APBA1: variants seen among roughly 807,000 people sequenced by gnomAD.
APBA1 encodes the protein amyloid-beta A4 precursor protein-binding family A member 1.
A neutral mutation model predicts 86.6 loss-of-function variants in APBA1; 55 were observed. The observed-to-expected ratio is 0.64, with a 90% CI of 0.51 to 0.80. The LOEUF (loss-of-function observed/expected upper bound fraction) is 0.80, where lower values mean the gene tolerates loss of function less well. Ranked by LOEUF, APBA1 falls within the 30% of genes least tolerant of loss-of-function variation. The pLI, the probability that APBA1 is intolerant of heterozygous loss-of-function variation, is 0.00. For synonymous variants in APBA1, 511 were observed against 493.9 expected, an observed-to-expected ratio of 1.03 and a Z score of -0.46; for missense variants, 1,090 against 1,183.0, an observed-to-expected ratio of 0.92 and a Z score of 1.15.
intron 1 of APBA1, among the ~76,000 whole-genome samples, chr9:69,670,629 C>T (rs535764134): frequency 6.6e-6 from 1 of 152,234 alleles, no homozygotes; most frequent in African/African-American, 2.4e-5. Flanking sequence ...CATCTCCCTG[C>T]CTACCTCTAC....
Position 69,516,840 on chromosome 9 carries a change from G to A in APBA1, c.371C>T (p.Pro124Leu). The change falls in exon 2 of 13, where the codon CCC (proline) becomes CTC (leucine). Residue 124 changes from proline (P) to leucine (L), a missense_variant. By Grantham distance (98) the Pro-to-Leu change is moderately conservative (BLOSUM62 -3). Coordinates refer to ENST00000265381, the MANE Select transcript of APBA1 (RefSeq NM_001163.4). The surrounding 1 kb of genome is among the most constrained non-coding windows in gnomAD (Gnocchi z 7.3). ...DESAYAVQYR[P>L]EAEEYTEQAE... is the part of the protein sequence containing the mutation. Reference sequence around the variant, plus strand: ...CTGCTCCGTGTACTCCTCGGCCTCGGGCCGGTACTGCACAGCATAGGCGCT... The same window carrying A: ...CTGCTCCGTGTACTCCTCGGCCTCGAGCCGGTACTGCACAGCATAGGCGCT... 1.2e-6 allele frequency: 2 copies of A among 1,603,810 alleles called. No individual in the cohort carries two copies. Among genetic ancestry groups the A allele is most frequent in the Non-Finnish European group, 1.7e-6 (2 of 1,179,074 alleles).
chr9:69,576,844 C>T (rs1189726144), intron 1 of APBA1, among the ~76,000 whole-genome samples: 1 of 151,906 alleles, frequency 6.6e-6, no homozygotes, highest in Non-Finnish European at 1.5e-5. Flanking sequence ...TACCCTAAAA[C>T]TTAAAGTATA....
intron 1 of APBA1, among the ~76,000 whole-genome samples, chr9:69,641,638 T>C (rs550470489): frequency 3.3e-5 from 5 of 152,138 alleles, no homozygotes; most frequent in Admixed American, 6.6e-5. Flanking sequence ...TAATTCAATA[T>C]GGAAATGATA....
intron 2 of APBA1, among the ~76,000 whole-genome samples, chr9:69,495,075 A>G (rs1048461196): frequency 2.6e-5 from 4 of 152,084 alleles, no homozygotes; most frequent in Admixed American, 6.5e-5. Context: ...GAAAGCAAGG[A>G]GCACAACCCC....
At chr9:69,517,441 C>T (rs1836186272) in intron 1 of APBA1, among the ~76,000 whole-genome samples, 162 bp from the exon 2 acceptor site, 1 of 152,184 alleles carries the variant, frequency 6.6e-6, no homozygotes. Flanking sequence ...ACATACATAG[C>T]ACGCATCATA....
intron 9 of APBA1, 22 bp from the exon 10 acceptor site, chr9:69,449,818 G>C (rs1163712119): frequency 6.2e-7 from 1 of 1,600,958 alleles, no homozygotes. Context: ...AAAACATTTA[G>C]AAAACCTCCA....
At chr9:69,556,928 A>G (rs1217156371) in intron 1 of APBA1, among the ~76,000 whole-genome samples, 1 of 152,136 alleles carries the variant, frequency 6.6e-6, no homozygotes, top group African/African-American at 2.4e-5. Context: ...CGCTTCAGGG[A>G]TCGCTGCGTT....
chr9:69,662,205 TC>T, intron 1 of APBA1, among the ~76,000 whole-genome samples: 1 of 152,024 alleles, frequency 6.6e-6, no homozygotes, highest in Non-Finnish European at 1.5e-5. Flanking sequence ...CTGAGGCAAA[TC>T]CCCTTTGTCC....
chr9:69,576,235 T>C (rs1026539514), intron 1 of APBA1, among the ~76,000 whole-genome samples: 6 of 152,044 alleles, frequency 3.9e-5, no homozygotes, highest in South Asian at 4.2e-4. Flanking sequence ...TGTGGAGAAA[T>C]AGGAACACTT....
At chr9:69,506,174 G>A (rs1008778337) in intron 2 of APBA1, among the ~76,000 whole-genome samples, 2 of 151,910 alleles carry the variant, frequency 1.3e-5, no homozygotes, top group Admixed American at 6.6e-5. Flanking sequence ...ATCTCACTAG[G>A]GAGTGCCAGA....
chr9:69,601,240 A>G (rs1822345019), intron 1 of APBA1, among the ~76,000 whole-genome samples: 1 of 152,250 alleles, frequency 6.6e-6, no homozygotes, highest in African/African-American at 2.4e-5. Context: ...TCAGGAGGTC[A>G]GTTTTTTATT....
chr9:69,637,962 C>T (rs1823214344), intron 1 of APBA1, among the ~76,000 whole-genome samples: 1 of 152,136 alleles, frequency 6.6e-6, no homozygotes, highest in Admixed American at 6.6e-5. Context: ...CAACAGCTGA[C>T]CTCACTGCTC....
chr9:69,634,146 GAC>G (rs1823106973), intron 1 of APBA1, among the ~76,000 whole-genome samples: 1 of 152,198 alleles, frequency 6.6e-6, no homozygotes, highest in Admixed American at 6.5e-5. Context: ...GGGTAGGAAA[GAC>G]AGTCTTGAAT....
At chr9:69,512,257 A>G (rs971521984) in intron 2 of APBA1, among the ~76,000 whole-genome samples, 1 of 152,134 alleles carries the variant, frequency 6.6e-6, no homozygotes, top group Admixed American at 6.5e-5. Flanking sequence ...GAACACAGTT[A>G]TTTTCTCTCA....
chr9:69,539,644 C>T (rs1836572377), intron 1 of APBA1, among the ~76,000 whole-genome samples: 1 of 152,194 alleles, frequency 6.6e-6, no homozygotes, highest in Non-Finnish European at 1.5e-5. Flanking sequence ...CTCTCCCTCG[C>T]ACCTCTCACC....
chr9:69,512,430 G>A (rs1712018203), intron 2 of APBA1, among the ~76,000 whole-genome samples: 1 of 152,158 alleles, frequency 6.6e-6, no homozygotes, highest in African/African-American at 2.4e-5. Flanking sequence ...ATTAGCAACG[G>A]TGGCTGACAA....
At chr9:69,506,042 A>T (rs938070405) in intron 2 of APBA1, among the ~76,000 whole-genome samples, 1 of 151,674 alleles carries the variant, frequency 6.6e-6, no homozygotes, top group Admixed American at 6.6e-5. Flanking sequence ...AGAAGAAAAA[A>T]AAAAGAAAAG....
intron 1 of APBA1, among the ~76,000 whole-genome samples, chr9:69,558,350 T>C (rs2133935504): frequency 6.6e-6 from 1 of 152,174 alleles, no homozygotes; most frequent in East Asian, 1.9e-4. Context: ...ACTAATTTTA[T>C]TGCACCCATT....
At chr9:69,599,266 G>C (rs920474656) in intron 1 of APBA1, among the ~76,000 whole-genome samples, 2 of 152,202 alleles carry the variant, frequency 1.3e-5, no homozygotes, top group Non-Finnish European at 1.5e-5. Context: ...ATATATTAGA[G>C]AACTGCATTT....
Sources: gnomAD v4.1 joint callset for allele counts (sites outside exome capture counted in the v4.1 genomes callset) on GRCh38, gnomAD v4.1.1 for gene constraint, Gnocchi (gnomAD v3.1) non-coding constraint, MANE v1.5 for transcripts, NCBI Gene and HGNC (gene_info 2026-07-23, HGNC 2026-07-21) for gene names.